The following PTPRK variants were observed in gnomAD, a reference collection of about 807,000 sequenced individuals.
The protein encoded by PTPRK is protein tyrosine phosphatase receptor type K.
A neutral mutation model predicts 178.0 loss-of-function variants in PTPRK; 75 were observed. The ratio of observed to expected loss-of-function variants is 0.42; its 90% confidence interval spans 0.35 to 0.51. PTPRK has a LOEUF of 0.51. PTPRK is among the 20% of genes least tolerant of loss of function. The pLI is 0.02. For missense variants in PTPRK, 1,441 were observed against 1,797.8 expected (o/e 0.80, Z 3.59); for synonymous variants, 637 against 620.6 (o/e 1.03, Z -0.39).
At chr6:128,082,118 C>T (rs547646099) in intron 10 of PTPRK, among the ~76,000 whole-genome samples, 2 of 151,868 alleles carry the variant, frequency 1.3e-5, no homozygotes, top group African/African-American at 2.4e-5. Context: ...AGGTCTGACA[C>T]CATAATAATT....
At chr6:127,997,417 C>T (rs1777285191) in intron 16 of PTPRK, among the ~76,000 whole-genome samples, 1 of 152,010 alleles carries the variant, frequency 6.6e-6, no homozygotes, top group South Asian at 2.1e-4. Flanking sequence ...CATAATTATT[C>T]ATTAAATTGT....
intron 13 of PTPRK, 49 bp from the exon 14 acceptor site, chr6:128,009,317 C>G (rs1202875024): frequency 1.9e-6 from 3 of 1,555,874 alleles, no homozygotes; most frequent in Non-Finnish European, 2.6e-6. Context: ...CTAATAATCA[C>G]AGAAAAAAAT....
chr6:128,113,073 G>T (rs540035099), intron 7 of PTPRK, among the ~76,000 whole-genome samples: 1 of 152,034 alleles, frequency 6.6e-6, no homozygotes, highest in South Asian at 2.1e-4. Context: ...CCATCCTCAC[G>T]ATTCTGAGAC....
intron 1 of PTPRK, among the ~76,000 whole-genome samples, chr6:128,470,421 G>C (rs1470198417): frequency 6.6e-6 from 1 of 151,732 alleles, no homozygotes. Context: ...TTAAACAAAA[G>C]TAGTCATGTT....
chr6:128,308,481 A>T (rs1450662266), intron 3 of PTPRK, among the ~76,000 whole-genome samples: 2 of 152,006 alleles, frequency 1.3e-5, no homozygotes, highest in African/African-American at 4.8e-5. Flanking sequence ...AATTTTTTTT[A>T]AAAAGGTGAA....
intron 7 of PTPRK, among the ~76,000 whole-genome samples, chr6:128,111,606 A>AAGATGTGTCACAACC (rs1268072483): frequency 6.6e-6 from 1 of 150,778 alleles, no homozygotes; most frequent in Admixed American, 6.6e-5. Flanking sequence ...ATGTACCTAT[A>AAGATGTGTCACAACC]ACTGGGTTTT....
At chr6:128,224,896 A>G (rs559669696) in intron 5 of PTPRK, among the ~76,000 whole-genome samples, 5 of 152,328 alleles carry the variant, frequency 3.3e-5, no homozygotes, top group African/African-American at 9.6e-5. Context: ...TCAGGCAGAG[A>G]GACAGAGGAA....
At chr6:128,085,209 C>T (rs1180145672) in intron 8 of PTPRK, 2 of 152,144 alleles carry the variant, frequency 1.3e-5, no homozygotes, top group East Asian at 1.9e-4. Context: ...CATTGTCAGC[C>T]GAAGACTATG....
intron 2 of PTPRK, among the ~76,000 whole-genome samples, chr6:128,329,218 TC>T (rs1829958073): frequency 6.6e-6 from 1 of 152,180 alleles, no homozygotes; most frequent in Non-Finnish European, 1.5e-5. Flanking sequence ...TCATTCAGTC[TC>T]TGCAGGGTAT....
chr6:128,150,918 T>C (rs952404085), intron 7 of PTPRK, among the ~76,000 whole-genome samples: 2 of 152,146 alleles, frequency 1.3e-5, no homozygotes, highest in Non-Finnish European at 2.9e-5. Context: ...TTAGCATGCA[T>C]AGTATTTGGC....
At chr6:128,241,202 C>T (rs753064418) in intron 4 of PTPRK, 1 of 532,196 alleles carries the variant, frequency 1.9e-6, no homozygotes, top group Admixed American at 1.9e-5. Flanking sequence ...TTACTGGCTA[C>T]ATCTTTCTCT....
intron 7 of PTPRK, among the ~76,000 whole-genome samples, chr6:128,136,667 G>A (rs1795064675): frequency 6.6e-6 from 1 of 152,146 alleles, no homozygotes; most frequent in Admixed American, 6.5e-5. Flanking sequence ...TTTTACTGTT[G>A]TAGCATAATT....
chr6:127,994,561 C>A (rs959443488), intron 18 of PTPRK, among the ~76,000 whole-genome samples: 1 of 151,710 alleles, frequency 6.6e-6, no homozygotes, highest in African/African-American at 2.4e-5. Flanking sequence ...GTAACATTCC[C>A]AAGATCTCCA....
At chr6:127,970,873 A>G (rs1562359707) in intron 29 of PTPRK, among the ~76,000 whole-genome samples, 2 of 152,086 alleles carry the variant, frequency 1.3e-5, no homozygotes, top group South Asian at 4.1e-4. Context: ...TTGACTATTA[A>G]GTTGCTTTTA....
At chr6:128,388,387 T>C (rs1162203156) in intron 2 of PTPRK, among the ~76,000 whole-genome samples, 1 of 152,180 alleles carries the variant, frequency 6.6e-6, no homozygotes, top group East Asian at 1.9e-4. Flanking sequence ...ATCTGAATTA[T>C]TGATGAAATC....
At chr6:128,121,242 A>C (rs935990502) in intron 7 of PTPRK, among the ~76,000 whole-genome samples, 1 of 152,060 alleles carries the variant, frequency 6.6e-6, no homozygotes, top group Admixed American at 6.5e-5. Context: ...GATGACTCCA[A>C]TGTAGAACAG....
rs186111432 is a variant in PTPRK, at chr6:128,164,130, A to C, written c.1162+20302T>G. On this transcript the variant is annotated intron_variant, in intron 7 of 29. Transcript: ENST00000368226. The stretch of plus-strand genomic sequence containing the variant: ...CAACTCTAATTACGTATCTCCAATT[A>C]ATGGCTAAACAGAAACTATTACATA... Among the ~76,000 whole-genome samples the C allele has an allele frequency of 2.6e-3, 394 of 151,592 alleles. 2 individuals carry two copies. Among genetic ancestry groups the C allele is most frequent in the Non-Finnish European group, 4.4e-3 (299 of 67,536 alleles).
rs565434124 is a variant in PTPRK at position 128,102,327 on chromosome 6, AAGTGAAGGCCC to A, written c.1163-12346_1163-12336del. Among the ~76,000 whole-genome samples, 271 of 152,330 alleles carry A rather than the reference AAGTGAAGGCCC, an allele frequency of 1.8e-3. 1 individual carries two copies. The highest frequency in any genetic ancestry group is 6.2e-3 in the African/African-American group (259 of 41,570). On this transcript the variant is annotated intron_variant, in intron 7 of 29. Transcript: ENST00000368226. ...TCTTATATAACTCACTGTGTGATAA[AAGTGAAGGCCC>A]ACAGGCAGGTAAATTTATTTTAATG...
intron 3 of PTPRK, among the ~76,000 whole-genome samples, chr6:128,298,057 C>T (rs910972598): frequency 1.3e-5 from 2 of 151,836 alleles, no homozygotes; most frequent in South Asian, 2.1e-4. Context: ...ACCTCTTTAT[C>T]GATCCCACAG....
Sources: allele counts gnomAD v4.1 joint callset (sites outside exome capture counted in the v4.1 genomes callset), GRCh38; gene constraint gnomAD v4.1.1; transcripts MANE v1.5; gene names NCBI Gene and HGNC (gene_info 2026-07-23, HGNC 2026-07-21).